Variants in CLVS2 observed in about 807,000 individuals in gnomAD.
CLVS2 encodes clavesin-2.
In CLVS2, 19 loss-of-function variants were observed where a neutral mutation model predicts 29.0. That is an observed-to-expected ratio of 0.66 (90% confidence interval 0.46 to 0.96). The LOEUF (loss-of-function observed/expected upper bound fraction) is 0.96. Ranked by LOEUF, CLVS2 falls within the 40% of genes least tolerant of loss-of-function variation. The pLI, the probability that CLVS2 is intolerant of heterozygous loss-of-function variation, is 0.00. For synonymous variants in CLVS2, 161 were observed against 151.3 expected (o/e 1.06, Z -0.47); for missense variants, 294 against 404.1 (o/e 0.73, Z 2.34).
In CLVS2 at chr6:123,070,504, C is replaced by A. The variant is rs543064311; in HGVS notation, c.*6743C>A. 5.9e-5 allele frequency: 9 copies of A among 152,044 alleles called. No individual in the cohort carries two copies. In the East Asian group the frequency reaches 1.7e-3, roughly 29 times the overall value. 9.4% of individuals were successfully genotyped at this position (152,044 alleles called of 1,614,324 possible). ...AAACTAGTCTTCTTGCTTCCAGAGT[C>A]AATTTTCAACACATTAGCAAGAGTG... On this transcript the variant is annotated 3_prime_UTR_variant, in exon 6 of 6. Coordinates refer to ENST00000275162, the MANE Select transcript of CLVS2 (RefSeq NM_001010852.4).
At chr6:123,005,649 G>A (rs539432474) in intron 2 of CLVS2, among the ~76,000 whole-genome samples, 3 of 152,302 alleles carry the variant, frequency 2.0e-5, no homozygotes, top group East Asian at 3.9e-4. Context: ...CAGCAAAGAA[G>A]CATGGGTCAG....
chr6:122,999,993 A>G lies in CLVS2; in HGVS notation c.389+1827A>G, dbSNP rs1452275408. ...TTTTAGTTGTCTATCTCATGCTTCC[A>G]TATAAAGGGCAGACAACTAGTAATC... is the stretch of plus-strand genomic sequence containing the variant. On this transcript the variant is annotated intron_variant, in intron 2 of 5. Coordinates refer to ENST00000275162, the MANE Select transcript of CLVS2 (RefSeq NM_001010852.4). 3.9e-5 allele frequency among the ~76,000 whole-genome samples: 6 copies of G among 152,266 alleles called. No individual in the cohort carries two copies. The East Asian group carries it at 9.7e-4, about 24-fold the overall frequency.
intron 3 of CLVS2, among the ~76,000 whole-genome samples, chr6:123,021,058 G>GC (rs1339292228): frequency 6.7e-6 from 1 of 149,062 alleles, no homozygotes. Context: ...GTATGGGGGG[G>GC]GTAAAATTGC....
At chr6:123,028,810 A>G (rs1775039969) in intron 3 of CLVS2, among the ~76,000 whole-genome samples, 1 of 152,110 alleles carries the variant, frequency 6.6e-6, no homozygotes, top group African/African-American at 2.4e-5. Flanking sequence ...TTCATGACGT[A>G]GTTTTAAAAT....
In CLVS2 at chr6:122,997,519, A is replaced by G. The variant is rs1222957604; in HGVS notation, c.-259A>G. 6 of 534,282 alleles carry G rather than the reference A, an allele frequency of 1.1e-5. No individual in the cohort carries two copies. Among genetic ancestry groups the G allele is most frequent in the South Asian group, 2.4e-5 (1 of 41,178 alleles). The allele number at this position is 534,282 out of a possible 1,614,324, so 33.1% of individuals were successfully genotyped here. A position where few individuals can be genotyped will look rare whatever the true frequency, so the allele number is the denominator to read the frequency against. ...GGTTCACATCTCTTTAAAGGAAAGGAAAGAGGGAGCCAAAGTAGGGTGTTG... is the reference window on the plus strand; with the variant it reads ...GGTTCACATCTCTTTAAAGGAAAGGGAAGAGGGAGCCAAAGTAGGGTGTTG... On this transcript the variant is annotated 5_prime_UTR_variant, in exon 2 of 6. Transcript: ENST00000275162.
chr6:123,009,198 C>A (rs1774715051), intron 2 of CLVS2, among the ~76,000 whole-genome samples: 2 of 151,982 alleles, frequency 1.3e-5, no homozygotes, highest in Admixed American at 1.3e-4. Flanking sequence ...CTCCCCCAAA[C>A]ATGGCCAATG....
chr6:123,028,723 C>G (rs1022563595), intron 3 of CLVS2, among the ~76,000 whole-genome samples: 3 of 152,152 alleles, frequency 2.0e-5, no homozygotes, highest in African/African-American at 4.8e-5. Flanking sequence ...TCTTTGAACA[C>G]TGGAAGCTAT....
intron 4 of CLVS2, among the ~76,000 whole-genome samples, chr6:123,052,166 A>G (rs1361284638): frequency 6.6e-6 from 1 of 152,246 alleles, no homozygotes; most frequent in Non-Finnish European, 1.5e-5. Flanking sequence ...GTCAAGAAAC[A>G]TGATACATAG....
chr6:123,055,783 C>T (rs1323354312), intron 4 of CLVS2, 23 bp from the exon 5 acceptor site: 1 of 1,539,402 alleles, frequency 6.5e-7, no homozygotes, highest in East Asian at 2.2e-5. Flanking sequence ...CTTTCCCTTC[C>T]TCCCGTCTTC....
intron 2 of CLVS2, among the ~76,000 whole-genome samples, chr6:123,005,782 C>G (rs1774659543): frequency 6.6e-6 from 1 of 152,138 alleles, no homozygotes; most frequent in Admixed American, 6.5e-5. Context: ...GGACAAGGCT[C>G]TTGTCCTCTT....
intron 2 of CLVS2, among the ~76,000 whole-genome samples, chr6:123,002,463 C>T (rs1398363339): frequency 6.6e-6 from 1 of 152,010 alleles, no homozygotes; most frequent in Non-Finnish European, 1.5e-5. Flanking sequence ...ATAATATGGC[C>T]AATGTTCAGA....
intron 5 of CLVS2, among the ~76,000 whole-genome samples, chr6:123,057,580 A>G (rs1582665715): frequency 6.6e-6 from 1 of 151,866 alleles, no homozygotes; most frequent in African/African-American, 2.4e-5. Flanking sequence ...TCCTGACCTC[A>G]TGATCCACCT....
rs570886572 is a variant in CLVS2 at position 123,014,887 on chromosome 6, C to A, written c.564+3728C>A. Among the ~76,000 whole-genome samples the A allele has an allele frequency of 2.0e-5, 3 of 152,058 alleles. No individual in the cohort carries two copies. In the East Asian group the frequency reaches 5.8e-4, roughly 29 times the overall value. On this transcript the variant is annotated intron_variant, in intron 3 of 5. Transcript: ENST00000275162. ...ATCTAGATATTTTTATGTTGGGTGT[C>A]AAATAAAATACATTTTCATGTTAGA...
chr6:123,061,874 T>C (rs997191030), intron 5 of CLVS2, among the ~76,000 whole-genome samples: 4 of 145,514 alleles, frequency 2.7e-5, no homozygotes, highest in Non-Finnish European at 4.5e-5. Flanking sequence ...TATTTATATA[T>C]TTAATTTTAT....
chr6:123,006,716 A>G (rs1266371620), intron 2 of CLVS2, among the ~76,000 whole-genome samples: 1 of 152,238 alleles, frequency 6.6e-6, no homozygotes. Context: ...TATGTCAGGT[A>G]GCAAGGAGTC....
intron 2 of CLVS2, among the ~76,000 whole-genome samples, chr6:123,006,579 T>A (rs186963193): frequency 7.5e-4 from 114 of 152,062 alleles, no homozygotes; most frequent in Non-Finnish European, 1.1e-3. Flanking sequence ...GACAAAAAAA[T>A]TTAGGACTTG....
intron 3 of CLVS2, among the ~76,000 whole-genome samples, chr6:123,033,356 A>G (rs1431162879): frequency 6.6e-6 from 1 of 152,148 alleles, no homozygotes; most frequent in African/African-American, 2.4e-5. Flanking sequence ...TGTGGAACTA[A>G]CAATGGGATA....
intron 3 of CLVS2, among the ~76,000 whole-genome samples, chr6:123,026,723 G>A (rs1582652251): frequency 6.6e-6 from 1 of 152,140 alleles, no homozygotes; most frequent in African/African-American, 2.4e-5. Flanking sequence ...TACCTGGCAT[G>A]TACGTATCAG....
chr6:123,020,784 CT>C (rs1774908309), intron 3 of CLVS2, among the ~76,000 whole-genome samples: 1 of 151,950 alleles, frequency 6.6e-6, no homozygotes, highest in African/African-American at 2.4e-5. Flanking sequence ...ATTACTTAGT[CT>C]ATCAATTATA....
Sources: gnomAD v4.1 joint callset for allele counts (sites outside exome capture counted in the v4.1 genomes callset) on GRCh38, gnomAD v4.1.1 for gene constraint, MANE v1.5 for transcripts, NCBI Gene and HGNC (gene_info 2026-07-23, HGNC 2026-07-21) for gene names.